FRMPD4: variants seen among roughly 807,000 people sequenced by gnomAD.
FRMPD4 encodes FERM and PDZ domain containing 4.
FRMPD4 carries 22 observed loss-of-function variants against 94.1 expected under a neutral mutation model. That is an observed-to-expected ratio of 0.23 (90% CI 0.17 to 0.33). The LOEUF is 0.33. FRMPD4 is among the 10% of genes least tolerant of loss of function. The pLI, the probability that FRMPD4 is intolerant of heterozygous loss-of-function variation, is 1.00. For missense variants in FRMPD4, 1,111 were observed against 1,339.9 expected (o/e 0.83, Z 2.67); for synonymous variants, 631 against 548.6 (o/e 1.15, Z -2.10).
intron 1 of FRMPD4, among the ~76,000 whole-genome samples, chrX:12,361,048 A>G (rs1392185176): frequency 1.8e-5 from 2 of 111,029 alleles, no homozygotes; most frequent in Non-Finnish European, 3.8e-5. Context: ...AAGTCACCCA[A>G]TTTTGTTCTC....
rs1372904398 is a variant in FRMPD4 at position 12,058,717 on chromosome X, T to C, written c.95+180699T>C. On this transcript the variant is annotated intron_variant, in intron 3 of 18. Coordinates refer to the FRMPD4 transcript ENST00000640291. ...GATTAAAAGATGCATTTAGCGACTA[T>C]TTCATTTCACTAAGTGAGTGATTTT... 1.6e-4 allele frequency among the ~76,000 whole-genome samples: 18 copies of C among 111,367 alleles called. No individual in the cohort carries two copies. In the Admixed American group the frequency reaches 1.7e-3, roughly 11 times the overall value.
intron 1 of FRMPD4, among the ~76,000 whole-genome samples, chrX:12,402,111 G>A (rs1403120546): frequency 9.0e-6 from 1 of 111,485 alleles, no homozygotes; most frequent in Non-Finnish European, 1.9e-5. Context: ...AGGAGAATAA[G>A]AGGTTGAGGA....
chrX:12,341,862 A>G (rs1380201989), intron 1 of FRMPD4, among the ~76,000 whole-genome samples: 1 of 112,320 alleles, frequency 8.9e-6, no homozygotes, highest in Non-Finnish European at 1.9e-5. Context: ...AAATTCAAAA[A>G]GCTCTGGATC....
chrX:12,235,217 C>T (rs1333440738), intron 1 of FRMPD4, among the ~76,000 whole-genome samples: 2 of 111,850 alleles, frequency 1.8e-5, no homozygotes, highest in Admixed American at 9.5e-5. Context: ...GAAAGCTGCG[C>T]GTCCCTTCTG....
At chrX:12,095,184 C>T (rs992923916) in intron 3 of FRMPD4, among the ~76,000 whole-genome samples, 1 of 110,536 alleles carries the variant, frequency 9.0e-6, no homozygotes, top group African/African-American at 3.3e-5. Flanking sequence ...TGAAACCACC[C>T]TGGGTAATGT....
intron 1 of FRMPD4, among the ~76,000 whole-genome samples, chrX:12,215,721 G>A (rs1047382984): frequency 1.4e-4 from 16 of 111,539 alleles, no homozygotes; most frequent in African/African-American, 4.9e-4. Context: ...CTTCTCTCTA[G>A]GTACCTTATT....
chrX:12,643,142 G>GTTT lies in FRMPD4; in HGVS notation c.422+28272_422+28274dup, dbSNP rs148740345. Among the ~76,000 whole-genome samples, 142 of 102,763 alleles carry GTTT rather than the reference G, an allele frequency of 1.4e-3. 1 individual carries two copies. Among genetic ancestry groups the GTTT allele is most frequent in the Non-Finnish European group, 2.6e-3 (129 of 50,072 alleles). The allele number at this position is 102,763 out of a possible 115,157, so 89.2% of individuals were successfully genotyped here. A position where few individuals can be genotyped will look rare whatever the true frequency, so the allele number is the denominator to read the frequency against. On this transcript the variant is annotated intron_variant, in intron 4 of 16. Transcript: ENST00000675598. Reference sequence around the variant, plus strand: ...TTAGGAAGTAGATTCAAATAATTCAGTTTTTTTTTTTTTGAGATGGAATCT... The same window carrying GTTT: ...TTAGGAAGTAGATTCAAATAATTCAGTTTTTTTTTTTTTTTTGAGATGGAATCT...
At chrX:12,167,048 T>C (rs1257300326) in intron 1 of FRMPD4, among the ~76,000 whole-genome samples, 3 of 111,779 alleles carry the variant, frequency 2.7e-5, no homozygotes, top group Non-Finnish European at 3.8e-5. Flanking sequence ...GTGTCTCTAT[T>C]TCCTTCAGTT....
chrX:12,203,444 C>T lies in FRMPD4; in HGVS notation c.41+64432C>T, dbSNP rs192508961. ...CACTACATATATATTAATGCCCAAA[C>T]GTCCGACTCCAGCTGCTGCCAGTGA... is the stretch of plus-strand genomic sequence containing the variant. On this transcript the variant is annotated intron_variant, in intron 1 of 16. Coordinates refer to ENST00000675598, the MANE Select transcript of FRMPD4 (RefSeq NM_001368397.1). Among the ~76,000 whole-genome samples, 67 of 111,859 alleles carry T rather than the reference C, an allele frequency of 6.0e-4. 1 individual carries two copies. Among genetic ancestry groups the T allele is most frequent in the African/African-American group, 2.2e-3 (67 of 30,825 alleles).
At chrX:12,714,456 T>C (rs1264649366) in intron 14 of FRMPD4, among the ~76,000 whole-genome samples, 2 of 111,626 alleles carry the variant, frequency 1.8e-5, no homozygotes, top group Non-Finnish European at 3.8e-5. Flanking sequence ...GATAATCTCA[T>C]CTCAAGATCC....
At chrX:12,580,869 A>T (rs1304649466) in intron 2 of FRMPD4, among the ~76,000 whole-genome samples, 1 of 112,171 alleles carries the variant, frequency 8.9e-6, no homozygotes, top group Non-Finnish European at 1.9e-5. Flanking sequence ...CTTGGGAGGG[A>T]TAGAGCAGGA....
At chrX:12,199,712 C>G (rs1354380960) in intron 1 of FRMPD4, among the ~76,000 whole-genome samples, 1 of 111,876 alleles carries the variant, frequency 8.9e-6, no homozygotes, top group African/African-American at 3.2e-5. Context: ...GCCAATTTAT[C>G]AAGACAAGGG....
chrX:12,615,192 T>G (rs949662414), intron 4 of FRMPD4, among the ~76,000 whole-genome samples: 1 of 112,383 alleles, frequency 8.9e-6, no homozygotes, highest in Non-Finnish European at 1.9e-5. Context: ...CATTGATTTT[T>G]CATAATCAGG....
chrX:12,236,364 A>G (rs928782783), intron 1 of FRMPD4, among the ~76,000 whole-genome samples: 4 of 111,198 alleles, frequency 3.6e-5, no homozygotes, highest in African/African-American at 9.8e-5. Context: ...AGCACCTACT[A>G]TATGTCAGTT....
At chrX:12,361,888 A>G (rs937920172) in intron 1 of FRMPD4, among the ~76,000 whole-genome samples, 2 of 111,047 alleles carry the variant, frequency 1.8e-5, no homozygotes, top group African/African-American at 3.3e-5. Flanking sequence ...CATCACTCCA[A>G]TCTCTGCCTG....
At chrX:12,300,182 C>T (rs1052875411) in intron 1 of FRMPD4, among the ~76,000 whole-genome samples, 3 of 111,523 alleles carry the variant, frequency 2.7e-5, no homozygotes, top group African/African-American at 9.8e-5. Context: ...TTCTCTGACA[C>T]TGGCCCAGAG....
chrX:12,138,764 G>C lies in FRMPD4; in HGVS notation c.-208G>C, dbSNP rs983226644. On this transcript the variant is annotated 5_prime_UTR_variant, in exon 1 of 17. Coordinates refer to ENST00000675598, the MANE Select transcript of FRMPD4 (RefSeq NM_001368397.1). The stretch of plus-strand genomic sequence containing the variant: ...CGGGTGCCTATCAATGGTCCTGCTC[G>C]GGGATGCACACGCAGCTCGCGGCCG... 8 of 353,992 alleles carry C rather than the reference G, an allele frequency of 2.3e-5. No homozygotes were observed. The highest frequency in any genetic ancestry group is 7.7e-5 in the South Asian group (1 of 13,036). The allele number at this position is 353,992 out of a possible 1,213,427, so 29.2% of individuals were successfully genotyped here.
intron 3 of FRMPD4, among the ~76,000 whole-genome samples, chrX:11,994,512 G>C (rs1252473587): frequency 2.7e-5 from 3 of 111,059 alleles, no homozygotes; most frequent in Non-Finnish European, 5.7e-5. Flanking sequence ...TTGCAGGATA[G>C]AGTACTTTTG....
rs34756228 is a variant in FRMPD4 at position 12,003,386 on chromosome X, A to AGTGTGTGTGT, written c.95+125389_95+125398dup. Reference sequence around the variant, plus strand: ...CCCATTAACTTAATTCAGTTTGGCAAGTGTGTGTGTGTGTGTGTGTGTGTG... The same window carrying AGTGTGTGTGT: ...CCCATTAACTTAATTCAGTTTGGCAAGTGTGTGTGTGTGTGTGTGTGTGTGTGTGTGTGTG... On this transcript the variant is annotated intron_variant, in intron 3 of 18. Transcript: ENST00000640291. 2.6e-3 allele frequency among the ~76,000 whole-genome samples: 264 copies of AGTGTGTGTGT among 102,185 alleles called. 1 individual carries two copies. The highest frequency in any genetic ancestry group is 0.019 in the East Asian group (62 of 3,222). 88.7% of individuals were successfully genotyped at this position (102,185 alleles called of 115,157 possible).
Sources: gnomAD v4.1 joint callset for allele counts (sites outside exome capture counted in the v4.1 genomes callset) on GRCh38, gnomAD v4.1.1 for gene constraint, MANE v1.5 for transcripts, NCBI Gene and HGNC (gene_info 2026-07-23, HGNC 2026-07-21) for gene names.